ZNF536: variants seen among roughly 807,000 people sequenced by gnomAD.
ZNF536 encodes zinc finger protein 536.
A neutral mutation model predicts 84.5 loss-of-function variants in ZNF536; 13 were observed. That is an observed-to-expected ratio of 0.15 (90% CI 0.10 to 0.24). The LOEUF is 0.24. Among genes scored for constraint, ZNF536 ranks in the 10% least tolerant of loss-of-function variants. The pLI, the probability that ZNF536 is intolerant of heterozygous loss-of-function variation, is 1.00. For missense variants in ZNF536, 1,536 were observed against 1,747.5 expected (o/e 0.88, Z 2.16); for synonymous variants, 811 against 742.5 (o/e 1.09, Z -1.50).
intron 1 of ZNF536, among the ~76,000 whole-genome samples, chr19:30,609,327 G>C (rs2048008502): frequency 1.3e-5 from 2 of 152,110 alleles, no homozygotes; most frequent in Non-Finnish European, 2.9e-5. Flanking sequence ...CTCTTGTCTA[G>C]AATCACCTCT....
At chr19:30,682,528 C>T (rs2051017569) in intron 1 of ZNF536, among the ~76,000 whole-genome samples, 1 of 152,218 alleles carries the variant, frequency 6.6e-6, no homozygotes, top group East Asian at 1.9e-4. Flanking sequence ...TACGACACCC[C>T]TTTCTTTGGA....
chr19:30,446,104 G>A (rs961590242), intron 2 of ZNF536, among the ~76,000 whole-genome samples: 1 of 151,664 alleles, frequency 6.6e-6, no homozygotes, highest in Non-Finnish European at 1.5e-5. Flanking sequence ...AAAAATTTAG[G>A]CAAATGTGGT....
intron 1 of ZNF536, among the ~76,000 whole-genome samples, chr19:30,231,408 G>C (rs2023031293): frequency 6.6e-6 from 1 of 152,216 alleles, no homozygotes; most frequent in Non-Finnish European, 1.5e-5. Flanking sequence ...TGCTACTAGT[G>C]GGGCCTTGTG....
chr19:30,526,815 A>G (rs562108113), intron 2 of ZNF536, among the ~76,000 whole-genome samples: 15 of 151,982 alleles, frequency 9.9e-5, no homozygotes, highest in Non-Finnish European at 1.6e-4. Flanking sequence ...AAGCCCTGGT[A>G]TATTTTAAGG....
chr19:30,416,423 G>A (rs1002786680), intron 1 of ZNF536, among the ~76,000 whole-genome samples: 1 of 151,968 alleles, frequency 6.6e-6, no homozygotes, highest in African/African-American at 2.4e-5. Flanking sequence ...TTGGTGCCTG[G>A]CAGATATTCT....
In ZNF536 at chr19:30,550,104, G is replaced by C. The variant is rs186009472; in HGVS notation, c.3895+590G>C. On this transcript the variant is annotated intron_variant, in intron 4 of 4. Coordinates refer to ENST00000355537, the MANE Select transcript of ZNF536 (RefSeq NM_014717.3). ...ACCAAATGGCAGTTACTGTGACTTT[G>C]GCCTTCTGCGCTTGCCTTCTGTTTG... Among the ~76,000 whole-genome samples, 1,051 of 152,262 alleles carry C rather than the reference G, an allele frequency of 6.9e-3. 11 individuals are homozygous for C. The highest frequency in any genetic ancestry group is 0.024 in the African/African-American group (980 of 41,534).
chr19:30,431,459 T>C (rs965196152), intron 1 of ZNF536, among the ~76,000 whole-genome samples: 2 of 152,188 alleles, frequency 1.3e-5, no homozygotes, highest in Non-Finnish European at 2.9e-5. Context: ...TACCGGATGA[T>C]GTGTATCTGA....
Position 30,575,648 on chromosome 19 carries a change from T to C in ZNF536, c.169+26134T>C, listed in dbSNP as rs535202472. On this transcript the variant is annotated intron_variant, in intron 1 of 1. Coordinates refer to the ZNF536 transcript ENST00000592773. ...CACAGTCTAGAGGGCAGTGGGCAAATGGAATAACGGGTAGGTTAGATGGTG... is the reference window on the plus strand; with the variant it reads ...CACAGTCTAGAGGGCAGTGGGCAAACGGAATAACGGGTAGGTTAGATGGTG... Among the ~76,000 whole-genome samples the C allele has an allele frequency of 1.3e-3, 192 of 152,032 alleles. 2 individuals are homozygous for C. The highest frequency in any genetic ancestry group is 4.6e-3 in the African/African-American group (190 of 41,438).
intron 3 of ZNF536, among the ~76,000 whole-genome samples, chr19:30,542,669 A>C (rs1275115072): frequency 6.6e-6 from 1 of 152,200 alleles, no homozygotes; most frequent in Non-Finnish European, 1.5e-5. Flanking sequence ...AAAGAGCCCC[A>C]TTCTGCACAT....
intron 2 of ZNF536, among the ~76,000 whole-genome samples, chr19:30,494,881 G>T (rs1472139785): frequency 6.7e-6 from 1 of 149,096 alleles, no homozygotes; most frequent in African/African-American, 2.5e-5. Context: ...GGGAGGTGGA[G>T]GTTGCATTGA....
intron 1 of ZNF536, among the ~76,000 whole-genome samples, chr19:30,587,894 A>G (rs2047150032): frequency 6.6e-6 from 1 of 152,254 alleles, no homozygotes; most frequent in Admixed American, 6.5e-5. Flanking sequence ...CAGAAGGTTA[A>G]GTTGAAGTTG....
intron 2 of ZNF536, among the ~76,000 whole-genome samples, chr19:30,339,030 G>C (rs943675533): frequency 3.9e-5 from 6 of 152,246 alleles, no homozygotes; most frequent in Non-Finnish European, 1.5e-5. Context: ...CCTCCCCCGG[G>C]CTGTAAAGTT....
At chr19:30,707,210 A>G (rs2148046832) in intron 1 of ZNF536, among the ~76,000 whole-genome samples, 2 of 152,300 alleles carry the variant, frequency 1.3e-5, no homozygotes, top group East Asian at 3.9e-4. Flanking sequence ...GTCCTGACTT[A>G]GATTCACCAT....
At chr19:30,418,642 G>A (rs1712644734) in intron 1 of ZNF536, among the ~76,000 whole-genome samples, 1 of 152,168 alleles carries the variant, frequency 6.6e-6, no homozygotes, top group Non-Finnish European at 1.5e-5. Flanking sequence ...TGGGACAGAG[G>A]TGGCTCCTCT....
intron 1 of ZNF536, among the ~76,000 whole-genome samples, chr19:30,702,334 C>T (rs922271973): frequency 1.3e-5 from 2 of 152,180 alleles, no homozygotes; most frequent in Admixed American, 6.5e-5. Flanking sequence ...CTCTTTACCA[C>T]GGCTCTACGG....
rs544447447 is a variant in ZNF536, at chr19:30,372,514, G to C, written c.-45G>C. The C allele has an allele frequency of 1.3e-5, 2 of 152,276 alleles. No individual in the cohort carries two copies. Among genetic ancestry groups the C allele is most frequent in the African/African-American group, 4.8e-5 (2 of 41,554 alleles). The allele number at this position is 152,276 out of a possible 1,614,324, so 9.4% of individuals were successfully genotyped here. On this transcript the variant is annotated 5_prime_UTR_variant, in exon 1 of 5. Transcript: ENST00000355537. ...ATTTTTACCTGATGAAGTTTGTCTTGAAAAGTGAAAATGGTTCCATTTCCA... is the reference window on the plus strand; with the variant it reads ...ATTTTTACCTGATGAAGTTTGTCTTCAAAAGTGAAAATGGTTCCATTTCCA...
chr19:30,239,853 C>G (rs1490192720), intron 1 of ZNF536, among the ~76,000 whole-genome samples: 1 of 152,146 alleles, frequency 6.6e-6, no homozygotes, highest in Non-Finnish European at 1.5e-5. Flanking sequence ...TATTTGAACA[C>G]CTATCCATGC....
intron 1 of ZNF536, among the ~76,000 whole-genome samples, chr19:30,269,190 C>T (rs1452576327): frequency 6.6e-6 from 1 of 152,168 alleles, no homozygotes; most frequent in Non-Finnish European, 1.5e-5. Flanking sequence ...GCAGTGGTCC[C>T]TGGAACTCCG....
chr19:30,607,274 T>G (rs2146997984), intron 1 of ZNF536, among the ~76,000 whole-genome samples: 1 of 152,342 alleles, frequency 6.6e-6, no homozygotes, highest in East Asian at 1.9e-4. Context: ...AAACTTTTTT[T>G]TGTTTTAGAG....
Sources: gnomAD v4.1 joint callset for allele counts (sites outside exome capture counted in the v4.1 genomes callset) on GRCh38, gnomAD v4.1.1 for gene constraint, MANE v1.5 for transcripts, NCBI Gene and HGNC (gene_info 2026-07-23, HGNC 2026-07-21) for gene names.